Variants in LMF1 observed in about 807,000 individuals in gnomAD.
LMF1 encodes transmembrane protein 112.
Under a neutral mutation model 60.6 loss-of-function variants are expected in LMF1, and 68 were observed. The observed-to-expected ratio is 1.12, with a 90% CI of 0.92 to 1.37. LMF1 has a LOEUF of 1.37. Ranked by LOEUF, LMF1 falls within the 40% of genes most tolerant of loss-of-function variation. LMF1 has a pLI of 0.00. For missense variants in LMF1, 948 were observed against 767.2 expected, an observed-to-expected ratio of 1.24 and a Z score of -2.78; for synonymous variants, 418 against 324.7, an observed-to-expected ratio of 1.29 and a Z score of -3.09.
chr16:924,590 C>T (rs1433666576), intron 3 of LMF1, among the ~76,000 whole-genome samples: 3 of 152,168 alleles, frequency 2.0e-5, no homozygotes, highest in Non-Finnish European at 2.9e-5. Flanking sequence ...ACCACACCAT[C>T]GGCCACTGTC....
At chr16:921,653 G>A (rs1377001303) in intron 3 of LMF1, among the ~76,000 whole-genome samples, 3 of 152,126 alleles carry the variant, frequency 2.0e-5, no homozygotes, top group Non-Finnish European at 2.9e-5. Context: ...AGGGAAAGAC[G>A]CAGTGTGCGG....
chr16:912,359 C>T lies in LMF1; in HGVS notation c.515-1280G>A, dbSNP rs115709286. On this transcript the variant is annotated intron_variant, in intron 3 of 10. Transcript: ENST00000262301. Reference sequence around the variant, plus strand: ...TGCAGAGGGGAAGCAGACGGAGGCTCGCGGGGAGCTTCCTCCAACCATTGG... The same window carrying T: ...TGCAGAGGGGAAGCAGACGGAGGCTTGCGGGGAGCTTCCTCCAACCATTGG... Among the ~76,000 whole-genome samples the T allele has an allele frequency of 2.3e-3, 357 of 152,204 alleles. 2 individuals carry two copies. The highest frequency in any genetic ancestry group is 8.0e-3 in the African/African-American group (333 of 41,514).
intron 2 of LMF1, among the ~76,000 whole-genome samples, chr16:948,958 GCC>G (rs2072345327): frequency 1.0e-5 from 1 of 95,722 alleles, no homozygotes; most frequent in African/African-American, 6.6e-5. Context: ...CAGAGTCAGA[GCC>G]AACGACAGAG....
At chr16:889,209 C>T (rs1020182629) in intron 5 of LMF1, among the ~76,000 whole-genome samples, 11 of 152,336 alleles carry the variant, frequency 7.2e-5, no homozygotes, top group Admixed American at 1.3e-4. Flanking sequence ...GCCACCCGGT[C>T]GCCTTTCACC....
chr16:931,015 G>A (rs2071766057), intron 3 of LMF1, among the ~76,000 whole-genome samples: 1 of 152,122 alleles, frequency 6.6e-6, no homozygotes, highest in Non-Finnish European at 1.5e-5. Context: ...CAGCTACTCG[G>A]GAGGCTGAGG....
intron 10 of LMF1, chr16:854,921 AG>A (rs2069146781): frequency 1.7e-6 from 1 of 601,452 alleles, no homozygotes; most frequent in East Asian, 2.8e-5. Flanking sequence ...CAGCGCAGCA[AG>A]GGGGAAGGGC....
intron 3 of LMF1, among the ~76,000 whole-genome samples, chr16:927,191 G>T (rs1263737061): frequency 6.6e-6 from 1 of 152,230 alleles, no homozygotes; most frequent in Non-Finnish European, 1.5e-5. Flanking sequence ...CTTGGAAATG[G>T]CCCGTGGAGA....
chr16:914,234 G>C (rs2071204922), intron 3 of LMF1, among the ~76,000 whole-genome samples: 1 of 152,054 alleles, frequency 6.6e-6, no homozygotes, highest in Admixed American at 6.5e-5. Flanking sequence ...CCTCCTGGGA[G>C]GGGAGCAAAC....
intron 2 of LMF1, among the ~76,000 whole-genome samples, chr16:944,804 C>A (rs28485327): frequency 3.3e-5 from 5 of 152,218 alleles, no homozygotes; most frequent in African/African-American, 1.2e-4. Flanking sequence ...TCTACGGCCC[C>A]AGTGCCCTAA....
chr16:900,326 A>G (rs935558555), intron 4 of LMF1: 2 of 152,110 alleles, frequency 1.3e-5, no homozygotes, highest in Non-Finnish European at 2.9e-5. Flanking sequence ...TTCTTGTGTT[A>G]ATGAGGACCA....
intron 1 of LMF1, 80 bp downstream of exon 1, chr16:970,708 G>A (rs2073024976): frequency 7.6e-6 from 10 of 1,312,572 alleles, no homozygotes; most frequent in Non-Finnish European, 9.3e-6. Context: ...GAGACCGCGC[G>A]GAGGAGTCTC....
intron 1 of LMF1, among the ~76,000 whole-genome samples, chr16:957,301 T>G (rs2072727721): frequency 2.0e-5 from 3 of 152,230 alleles, no homozygotes. Context: ...TGTGTAACTG[T>G]GCATGCTGGT....
intron 3 of LMF1, among the ~76,000 whole-genome samples, chr16:920,205 C>T (rs967132511): frequency 6.6e-6 from 1 of 151,938 alleles, no homozygotes; most frequent in Non-Finnish European, 1.5e-5. Flanking sequence ...GGCCCTGGCC[C>T]GTTGGCTCGG....
At position 874,220 on chromosome 16, in the gene LMF1, C is replaced by CCGGTGAGCCCAGCTCTGGGA. The variant is rs1393232595; in HGVS notation, c.898-2899_898-2880dup. ...ATCACAACCGAAACACAGCTAAGGG[C>CCGGTGAGCCCAGCTCTGGGA]CGGTGAGCCCAGCTCTGGGACAGAG... On this transcript the variant is annotated intron_variant, in intron 6 of 10. Transcript: ENST00000262301. This position sits in a 1 kb window ranked among gnomAD's most constrained non-coding sequence, Gnocchi z 4.1. 8.5e-5 allele frequency among the ~76,000 whole-genome samples: 13 copies of CCGGTGAGCCCAGCTCTGGGA among 152,348 alleles called. No homozygotes were observed. Among genetic ancestry groups the CCGGTGAGCCCAGCTCTGGGA allele is most frequent in the Non-Finnish European group, 1.6e-4 (11 of 68,020 alleles).
At chr16:949,507 GACAATGACAGAGTCAGCCA>G (rs2072374917) in intron 2 of LMF1, among the ~76,000 whole-genome samples, 2 of 140,008 alleles carry the variant, frequency 1.4e-5, no homozygotes, top group Admixed American at 7.0e-5. Context: ...CAGAGTTAGA[GACAATGACAGAGTCAGCCA>G]ACGACAGAGT....
intron 5 of LMF1, among the ~76,000 whole-genome samples, chr16:890,123 G>A (rs541184131): frequency 4.6e-5 from 7 of 152,286 alleles, no homozygotes; most frequent in South Asian, 2.1e-4. Flanking sequence ...TCCGTCTGTC[G>A]AGTGGAGTCC....
chr16:949,717 G>A (rs1276407086), intron 2 of LMF1, among the ~76,000 whole-genome samples: 2 of 106,458 alleles, frequency 1.9e-5, no homozygotes, highest in Non-Finnish European at 1.8e-5. Context: ...CAGAGACAAC[G>A]ACAGAGTCAG....
chr16:947,369 G>A (rs1241104071), intron 2 of LMF1: 6 of 411,208 alleles, frequency 1.5e-5, no homozygotes, highest in Non-Finnish European at 3.0e-5. Context: ...TGGTGGAAAA[G>A]GTGTTGCAGG....
intron 10 of LMF1, among the ~76,000 whole-genome samples, chr16:859,490 TCTCGGGACGGGTGTG>T (rs2069362356): frequency 1.3e-4 from 12 of 94,032 alleles, no homozygotes; most frequent in Admixed American, 2.0e-4. Flanking sequence ...GTGAGTGGTG[TCTCGGGACGGGTGTG>T]CAGTGTTGTC....
Sources: allele counts gnomAD v4.1 joint callset (sites outside exome capture counted in the v4.1 genomes callset), GRCh38; gene constraint gnomAD v4.1.1; non-coding constraint Gnocchi (gnomAD v3.1); transcripts MANE v1.5; gene names NCBI Gene and HGNC (gene_info 2026-07-23, HGNC 2026-07-21).